Variants in ZNF407 observed in about 807,000 individuals in gnomAD.
The protein encoded by ZNF407 is zinc finger protein 407.
In ZNF407, 17 loss-of-function variants were observed where a neutral mutation model predicts 131.2. The ratio of observed to expected loss-of-function variants is 0.13; its 90% CI spans 0.09 to 0.19. The LOEUF (loss-of-function observed/expected upper bound fraction) is 0.19, where lower values mean the gene tolerates loss of function less well. Among genes scored for constraint, ZNF407 ranks in the 10% least tolerant of loss-of-function variants. The pLI is 1.00. For synonymous variants in ZNF407, 1,156 were observed against 1,062.0 expected (o/e 1.09, Z -1.72); for missense variants, 2,681 against 2,830.6 (o/e 0.95, Z 1.20).
intron 3 of ZNF407, among the ~76,000 whole-genome samples, chr18:74,775,126 A>G (rs1969441638): frequency 6.6e-6 from 1 of 152,218 alleles, no homozygotes; most frequent in African/African-American, 2.4e-5. Flanking sequence ...ATAAAATTAG[A>G]TATGAAGTTG....
At chr18:74,735,307 TAC>T (rs1968387231) in intron 3 of ZNF407, among the ~76,000 whole-genome samples, 1 of 152,222 alleles carries the variant, frequency 6.6e-6, no homozygotes, top group Admixed American at 6.5e-5. Context: ...TAGTAGCTGA[TAC>T]AGTTAAGATT....
intron 3 of ZNF407, among the ~76,000 whole-genome samples, chr18:74,730,985 T>G (rs1189323187): frequency 6.6e-6 from 1 of 152,200 alleles, no homozygotes; most frequent in Non-Finnish European, 1.5e-5. Flanking sequence ...GAAAAATAAC[T>G]TTATTAAAAG....
intron 8 of ZNF407, among the ~76,000 whole-genome samples, chr18:74,976,187 G>T (rs1219707909): frequency 6.6e-6 from 1 of 152,182 alleles, no homozygotes; most frequent in Non-Finnish European, 1.5e-5. Flanking sequence ...TAGCCCCCTT[G>T]CAGTCAGGAA....
Position 74,817,012 on chromosome 18 carries a change from G to A in ZNF407, c.4877+35510G>A, listed in dbSNP as rs369191872. Among the ~76,000 whole-genome samples the A allele has an allele frequency of 2.6e-5, 4 of 152,178 alleles. No homozygotes were observed. The East Asian group carries it at 5.8e-4, about 22-fold the overall frequency. ...TGTTATTTTATGTTAATTATAATTA[G>A]GGTTGATTTTTTATTGATCTGAAAG... On this transcript the variant is annotated intron_variant, in intron 4 of 8. Transcript: ENST00000299687.
At chr18:74,636,692 G>T (rs1209194266) in intron 2 of ZNF407, among the ~76,000 whole-genome samples, 1 of 152,190 alleles carries the variant, frequency 6.6e-6, no homozygotes, top group Admixed American at 6.5e-5. Flanking sequence ...ATTATTACTA[G>T]TTTAGGGTGA....
intron 8 of ZNF407, among the ~76,000 whole-genome samples, chr18:75,055,836 A>G (rs1322773534): frequency 1.3e-5 from 2 of 152,188 alleles, no homozygotes; most frequent in East Asian, 3.8e-4. Flanking sequence ...TGGTACCTAA[A>G]TTTTTGCCCT....
chr18:74,755,304 C>T (rs1306990722), intron 3 of ZNF407, among the ~76,000 whole-genome samples: 1 of 151,872 alleles, frequency 6.6e-6, no homozygotes, highest in African/African-American at 2.4e-5. Context: ...GTCCAGTTTG[C>T]CCGTCTGTGT....
chr18:74,634,937 G>A lies in ZNF407; in HGVS notation c.3918G>A (p.Lys1306=), dbSNP rs1319730189. ...GVQEDPVLGN[K]EILMNSQHET... ...AAGAAGATCCCGTTCTGGGGAATAA[G>A]GAAATTCTGATGAATTCACAACATG... is the stretch of plus-strand genomic sequence containing the variant. The change falls in exon 2 of 9, where the codon AAG becomes AAA. Residue 1306 remains lysine, a synonymous_variant. Coordinates refer to ENST00000299687, the MANE Select transcript of ZNF407 (RefSeq NM_017757.3). 1.2e-6 allele frequency: 2 copies of A among 1,613,960 alleles called. No individual in the cohort carries two copies. The highest frequency in any genetic ancestry group is 1.7e-6 in the Non-Finnish European group (2 of 1,179,892).
At chr18:74,851,101 G>A (rs184969263) in intron 4 of ZNF407, among the ~76,000 whole-genome samples, 8 of 152,266 alleles carry the variant, frequency 5.3e-5, no homozygotes, top group Admixed American at 2.6e-4. Flanking sequence ...ATAAATTAAC[G>A]TGTAGAAAAT....
intron 3 of ZNF407, among the ~76,000 whole-genome samples, chr18:74,693,312 T>C (rs562674305): frequency 4.1e-4 from 62 of 152,354 alleles, no homozygotes; most frequent in Admixed American, 1.6e-3. Context: ...GGGAGTGATA[T>C]AGGTTTCTAC....
intron 3 of ZNF407, among the ~76,000 whole-genome samples, chr18:74,685,892 C>A (rs969021683): frequency 2.0e-5 from 3 of 152,174 alleles, no homozygotes; most frequent in Non-Finnish European, 4.4e-5. Flanking sequence ...ATTTAGTTAT[C>A]TGTACTGTTT....
chr18:74,707,807 A>G (rs1333582655), intron 3 of ZNF407, among the ~76,000 whole-genome samples: 1 of 152,154 alleles, frequency 6.6e-6, no homozygotes, highest in Non-Finnish European at 1.5e-5. Context: ...TTCTTTACCC[A>G]TCTGTATCTC....
At chr18:74,909,135 A>G (rs75177102) in intron 7 of ZNF407, among the ~76,000 whole-genome samples, 1 of 146,764 alleles carries the variant, frequency 6.8e-6, no homozygotes, top group Non-Finnish European at 1.5e-5. Context: ...AAAAAAAAAG[A>G]AATTGCATAC....
chr18:74,617,657 C>T (rs1983374161), intron 1 of ZNF407, among the ~76,000 whole-genome samples: 1 of 152,034 alleles, frequency 6.6e-6, no homozygotes, highest in Admixed American at 6.5e-5. Context: ...GATGTCATGC[C>T]CTTCTCAGGG....
intron 8 of ZNF407, among the ~76,000 whole-genome samples, chr18:75,002,229 G>A (rs1216482916): frequency 1.3e-5 from 2 of 152,194 alleles, no homozygotes; most frequent in East Asian, 1.9e-4. Context: ...AGAGCTCCTC[G>A]TGATTGAATT....
chr18:74,621,776 A>G (rs927803307), intron 1 of ZNF407, among the ~76,000 whole-genome samples: 6 of 152,208 alleles, frequency 3.9e-5, no homozygotes, highest in Non-Finnish European at 8.8e-5. Flanking sequence ...GGGAATGTCA[A>G]AAGAACTCAT....
chr18:74,791,974 C>T (rs1209449821), intron 4 of ZNF407, among the ~76,000 whole-genome samples: 2 of 152,256 alleles, frequency 1.3e-5, no homozygotes, highest in African/African-American at 4.8e-5. Flanking sequence ...TATTGCACGT[C>T]GCATAGTTTT....
rs143932343 is a variant in ZNF407 at position 74,837,404 on chromosome 18, T to TA, written c.4878-39783dup. On this transcript the variant is annotated intron_variant, in intron 4 of 8. Transcript: ENST00000299687. ...AAAGATCATTCAGTGAGGCTTACAT[T>TA]AAAAAAAAAATCCAATACTAGATGT... is the stretch of plus-strand genomic sequence containing the variant. Among the ~76,000 whole-genome samples the TA allele has an allele frequency of 4.5e-4, 67 of 149,038 alleles. 1 individual carries two copies. Among genetic ancestry groups the TA allele is most frequent in the Non-Finnish European group, 6.4e-4 (43 of 67,074 alleles).
rs116807649 is a variant in ZNF407, at chr18:74,950,595, G to A, written c.5428+29903G>A. ...GGGTCACTGATACAATTGTTCTACC[G>A]TTACAGATACCTAAAAATCTTGTTT... On this transcript the variant is annotated intron_variant, in intron 8 of 8. Coordinates refer to ENST00000299687, the MANE Select transcript of ZNF407 (RefSeq NM_017757.3). 4.4e-3 allele frequency among the ~76,000 whole-genome samples: 670 copies of A among 152,288 alleles called. 5 individuals are homozygous for A. The highest frequency in any genetic ancestry group is 0.015 in the African/African-American group (613 of 41,552).
Sources: gnomAD v4.1 joint callset for allele counts (sites outside exome capture counted in the v4.1 genomes callset) on GRCh38, gnomAD v4.1.1 for gene constraint, MANE v1.5 for transcripts, NCBI Gene and HGNC (gene_info 2026-07-23, HGNC 2026-07-21) for gene names.